SPATA22: variants seen among roughly 807,000 people sequenced by gnomAD.
SPATA22 encodes spermatogenesis-associated protein 22.
In SPATA22, 29 loss-of-function variants were observed where a neutral mutation model predicts 47.8. The observed-to-expected ratio is 0.61, with a 90% CI of 0.45 to 0.83. The LOEUF is 0.83. Ranked by LOEUF, SPATA22 falls within the 40% of genes least tolerant of loss-of-function variation. The pLI is 0.00. For missense variants in SPATA22, 410 were observed against 421.7 expected, an observed-to-expected ratio of 0.97 and a Z score of 0.24; for synonymous variants, 133 against 140.9, an observed-to-expected ratio of 0.94 and a Z score of 0.40.
intron 1 of SPATA22, among the ~76,000 whole-genome samples, chr17:3,480,054 G>A (rs1003025985): frequency 6.6e-6 from 1 of 151,746 alleles, no homozygotes; most frequent in Non-Finnish European, 1.5e-5. Flanking sequence ...GTTAGACTCT[G>A]AAAACTCTGT....
intron 1 of SPATA22, among the ~76,000 whole-genome samples, chr17:3,491,180 G>A (rs577385039): frequency 5.3e-5 from 8 of 152,270 alleles, no homozygotes; most frequent in African/African-American, 1.9e-4. Context: ...AAACATCCTG[G>A]TTGAGAAGGC....
chr17:3,461,502 T>C (rs575865486), intron 5 of SPATA22, among the ~76,000 whole-genome samples: 2 of 152,312 alleles, frequency 1.3e-5, no homozygotes, highest in South Asian at 4.1e-4. Context: ...GATTTTCTTC[T>C]AGCTCCTGCA....
rs898893501 is a variant in SPATA22 at position 3,485,760 on chromosome 17, G to C, written c.-73-16362C>G. 2.6e-5 allele frequency among the ~76,000 whole-genome samples: 4 copies of C among 152,168 alleles called. No homozygotes were observed. Among genetic ancestry groups the C allele is most frequent in the African/African-American group, 9.7e-5 (4 of 41,444 alleles). On this transcript the variant is annotated intron_variant, in intron 1 of 8. Coordinates refer to the SPATA22 transcript ENST00000541913. This position sits in a 1 kb window ranked among gnomAD's most constrained non-coding sequence, Gnocchi z 4.4. ...ATTAGCCTAGCACCTCTGAGTGGAT[G>C]CCAGTAGAAGACACAAGACTCCTAA... is the stretch of plus-strand genomic sequence containing the variant.
intron 1 of SPATA22, chr17:3,489,426 C>A (rs868350167): frequency 3.4e-6 from 4 of 1,185,368 alleles, no homozygotes; most frequent in East Asian, 2.4e-5. Context: ...ATTTGCCATG[C>A]TAAAGATATG....
chr17:3,472,167 G>A (rs2073451905), upstream of SPATA22: 1 of 152,428 alleles, frequency 6.6e-6, no homozygotes, highest in Non-Finnish European at 1.5e-5. Context: ...TGTGCCCAGA[G>A]ATTGACTCGA....
At chr17:3,510,792 C>A (rs1410975735) in intron 1 of SPATA22, 1 of 152,156 alleles carries the variant, frequency 6.6e-6, no homozygotes, top group Non-Finnish European at 1.5e-5. Flanking sequence ...TGGGCCCTGC[C>A]CAGAGCGAAA....
chr17:3,442,292 C>A (rs1487987848), intron 8 of SPATA22, among the ~76,000 whole-genome samples: 6 of 151,994 alleles, frequency 3.9e-5, no homozygotes, highest in East Asian at 1.9e-4. Flanking sequence ...CCTTAACAAC[C>A]TTTCGAAGTA....
In SPATA22 at chr17:3,467,546, G is replaced by A; in HGVS notation, c.52C>T (p.Pro18Ser). 1 of 1,604,074 alleles carries A rather than the reference G, an allele frequency of 6.2e-7. No individual in the cohort carries two copies. Among genetic ancestry groups the A allele is most frequent in the Non-Finnish European group, 8.5e-7 (1 of 1,175,706 alleles). ...NSARSTAGCL[P>S]VPLFNQKKRN... is the part of the protein sequence containing the mutation. ...TTTTTCTGATTGAACAACGGAACAGGCAAACAGCCTAAATTGAATGTACCA... is the reference window on the plus strand; with the variant it reads ...TTTTTCTGATTGAACAACGGAACAGACAAACAGCCTAAATTGAATGTACCA... The change falls in exon 3 of 9, where the codon CCT becomes TCT. Residue 18 changes from proline to serine, a missense_variant. Coordinates refer to ENST00000572969, the MANE Select transcript of SPATA22 (RefSeq NM_001170698.2).
intron 1 of SPATA22, chr17:3,511,460 C>A (rs2150773848): frequency 6.6e-6 from 1 of 152,342 alleles, no homozygotes; most frequent in South Asian, 2.1e-4. Context: ...AGTACACATT[C>A]CTCTCGGAGC....
At chr17:3,482,321 C>T (rs1159050261) in intron 1 of SPATA22, among the ~76,000 whole-genome samples, 1 of 152,140 alleles carries the variant, frequency 6.6e-6, no homozygotes, top group Non-Finnish European at 1.5e-5. Flanking sequence ...TTGATTTAGA[C>T]ACCCCAGAAT....
At chr17:3,462,042 A>AC (rs2073136081) in intron 5 of SPATA22, among the ~76,000 whole-genome samples, 1 of 152,032 alleles carries the variant, frequency 6.6e-6, no homozygotes, top group South Asian at 2.1e-4. Context: ...CACAGCCTCC[A>AC]TTTTTCTTTC....
At chr17:3,483,667 CTTATT>C (rs942051498) in intron 1 of SPATA22, 5 of 1,414,314 alleles carry the variant, frequency 3.5e-6, no homozygotes, top group Non-Finnish European at 5.0e-6. Context: ...TATTTTTTAT[CTTATT>C]TTATTTTTGA....
In SPATA22 at chr17:3,458,125, T is replaced by C. The variant is rs1176113558; in HGVS notation, c.329+4358A>G. Among the ~76,000 whole-genome samples, 10 of 152,156 alleles carry C rather than the reference T, an allele frequency of 6.6e-5. 3 individuals are homozygous for C. In the South Asian group the frequency reaches 2.1e-3, roughly 32 times the overall value. ...TATTTAAGGAATTCACAGAACTCAG[T>C]AACAAAAAACAACACAATTTAAAGA... On this transcript the variant is annotated intron_variant, in intron 5 of 8. Transcript: ENST00000572969.
chr17:3,472,482 C>T (rs113336267), upstream of SPATA22: 1 of 152,352 alleles, frequency 6.6e-6, no homozygotes, highest in African/African-American at 2.4e-5. Flanking sequence ...TTACTGAACA[C>T]CCTCTGGACC....
chr17:3,496,058 G>A (rs1297298946), intron 1 of SPATA22, among the ~76,000 whole-genome samples: 1 of 152,214 alleles, frequency 6.6e-6, no homozygotes, highest in Non-Finnish European at 1.5e-5. Context: ...GGAGAAGTGA[G>A]ATGAATGAGA....
intron 6 of SPATA22, 95 bp from the exon 7 acceptor site, chr17:3,446,696 T>C (rs2072734842): frequency 2.0e-6 from 2 of 988,084 alleles, no homozygotes; most frequent in Non-Finnish European, 2.9e-6. Flanking sequence ...GTCCTTACAA[T>C]GGACAAGTGT....
At chr17:3,487,071 T>C (rs2073737435) in intron 1 of SPATA22, among the ~76,000 whole-genome samples, 2 of 144,484 alleles carry the variant, frequency 1.4e-5, no homozygotes, top group South Asian at 2.2e-4. Flanking sequence ...TGTGTGTGTG[T>C]GCGTGTGTGT....
rs1428510570 is a variant in SPATA22, at chr17:3,462,761, G to A, written c.179C>T (p.Ala60Val). Residue 60 changes from alanine (A) to valine (V), a missense_variant, in exon 4 of 9, where the codon GCC becomes GTC. Physicochemically the swap from Ala to Val is moderately conservative, Grantham distance 64 (BLOSUM62 0). Transcript: ENST00000572969. ...YDFPPLPTDW[A>V]WEAVNPELAP... ...CAACTCTGGATTCACAGCTTCCCAG[G>A]CCCAATCTCAAAAGATATAAGTAAC... 6 of 1,610,470 alleles carry A rather than the reference G, an allele frequency of 3.7e-6. No homozygotes were observed. Among genetic ancestry groups the A allele is most frequent in the African/African-American group, 2.7e-5 (2 of 74,826 alleles).
intron 1 of SPATA22, chr17:3,481,676 G>A: frequency 6.2e-7 from 1 of 1,613,900 alleles, no homozygotes. Flanking sequence ...TGGTCCAAAA[G>A]ACAGTGAAGA....
Sources: allele counts gnomAD v4.1 joint callset (sites outside exome capture counted in the v4.1 genomes callset), GRCh38; gene constraint gnomAD v4.1.1; non-coding constraint Gnocchi (gnomAD v3.1); transcripts MANE v1.5; gene names NCBI Gene and HGNC (gene_info 2026-07-23, HGNC 2026-07-21).